The following LYST variants were observed in gnomAD, a reference collection of about 807,000 sequenced individuals.
The protein encoded by LYST is lysosomal trafficking regulator.
LYST carries 192 observed loss-of-function variants against 413.6 expected under a neutral mutation model. The observed-to-expected ratio is 0.46, with a 90% CI of 0.41 to 0.52. LYST has a LOEUF of 0.52. Ranked by LOEUF, LYST falls within the 20% of genes least tolerant of loss-of-function variation. The pLI is 0.00. For synonymous variants in LYST, 1,525 were observed against 1,567.3 expected, an observed-to-expected ratio of 0.97 and a Z score of 0.64; for missense variants, 3,815 against 4,499.9, an observed-to-expected ratio of 0.85 and a Z score of 4.35.
chr1:235,799,104 A>C (rs930096040), intron 10 of LYST, among the ~76,000 whole-genome samples: 1 of 152,206 alleles, frequency 6.6e-6, no homozygotes, highest in Non-Finnish European at 1.5e-5. Flanking sequence ...GTCTAGCAAA[A>C]TAATAAAAAT....
upstream of LYST, among the ~76,000 whole-genome samples, chr1:235,869,071 T>C (rs532369824): frequency 6.6e-6 from 1 of 152,308 alleles, no homozygotes; most frequent in African/African-American, 2.4e-5. Flanking sequence ...ATACTAAATA[T>C]ACATATCAAA....
chr1:235,806,572 C>T lies in LYST; in HGVS notation c.2564G>A (p.Gly855Asp), dbSNP rs1239711090. 6.2e-7 allele frequency: 1 copy of T among 1,613,866 alleles called. No individual in the cohort carries two copies. The highest frequency in any genetic ancestry group is 8.5e-7 in the Non-Finnish European group (1 of 1,179,852). ...EQKELSSVHV[G>D]TSFHHQQAYS... ...AGCTTGCTGATGATGAAAAGAAGTA[C>T]CCACATGTACAGAGGACAACTCCTT... The change falls in exon 6 of 53, where the codon GGT becomes GAT. Residue 855 changes from glycine to aspartate, a missense_variant. Transcript: ENST00000389793.
rs117457528 is a variant in LYST at position 235,696,703 on chromosome 1, G to A, written c.10564+380C>T. ...TAAAACCTATTTTCAAGGCTATCTCGACATCCTTGTTGTGTTTGTTGCTTA... is the reference window on the plus strand; with the variant it reads ...TAAAACCTATTTTCAAGGCTATCTCAACATCCTTGTTGTGTTTGTTGCTTA... On this transcript the variant is annotated intron_variant, in intron 46 of 52. Coordinates refer to ENST00000389793, the MANE Select transcript of LYST (RefSeq NM_000081.4). Among the ~76,000 whole-genome samples the A allele has an allele frequency of 9.7e-4, 147 of 152,276 alleles. 1 individual carries two copies. In the East Asian group the frequency reaches 0.01, roughly 11 times the overall value.
chr1:235,677,225 T>G (rs758294791), intron 49 of LYST, 37 bp from the exon 50 acceptor site: 3 of 1,394,154 alleles, frequency 2.2e-6, no homozygotes, highest in Non-Finnish European at 1.0e-6. Flanking sequence ...ATATGATCAT[T>G]AAATATAATT....
intron 7 of LYST, among the ~76,000 whole-genome samples, chr1:235,803,441 G>C (rs1048110442): frequency 6.6e-6 from 1 of 151,968 alleles, no homozygotes; most frequent in African/African-American, 2.4e-5. Flanking sequence ...TAATAAAAAA[G>C]ATTTTTTCAT....
At chr1:235,688,618 G>T (rs146112420) in intron 47 of LYST, among the ~76,000 whole-genome samples, 1 of 152,128 alleles carries the variant, frequency 6.6e-6, no homozygotes, top group Non-Finnish European at 1.5e-5. Context: ...GCACACAGCC[G>T]TCAGGACTCT....
intron 44 of LYST, among the ~76,000 whole-genome samples, chr1:235,703,806 T>C (rs1661736793): frequency 6.6e-6 from 1 of 152,214 alleles, no homozygotes; most frequent in Admixed American, 6.5e-5. Context: ...GGTTTGTTAT[T>C]TGGGTAAACT....
chr1:235,878,194 T>C (rs1001592218), intron 1 of LYST, among the ~76,000 whole-genome samples: 3 of 152,142 alleles, frequency 2.0e-5, no homozygotes, highest in African/African-American at 7.2e-5. Context: ...CAAGGCAACA[T>C]CCCTGGAGCA....
chr1:235,682,811 C>T (rs1385286630), intron 48 of LYST, among the ~76,000 whole-genome samples: 1 of 152,072 alleles, frequency 6.6e-6, no homozygotes, highest in Non-Finnish European at 1.5e-5. Context: ...TCCACACATG[C>T]TTTGTTTTTC....
At chr1:235,834,921 A>T (rs1558318122) in intron 1 of LYST, among the ~76,000 whole-genome samples, 2 of 147,708 alleles carry the variant, frequency 1.4e-5, no homozygotes, top group Admixed American at 6.8e-5. Context: ...TATCATGCAA[A>T]TTTTTTTTTT....
chr1:235,686,953 C>A lies in LYST; in HGVS notation c.10796G>T (p.Ser3599Ile), dbSNP rs1660267340. The A allele has an allele frequency of 6.2e-7, 1 of 1,613,610 alleles. No individual in the cohort carries two copies. The highest frequency in any genetic ancestry group is 8.5e-7 in the Non-Finnish European group (1 of 1,179,542). Residue 3599 changes from serine (S) to isoleucine (I), a missense_variant, in exon 48 of 53, where the codon AGC becomes ATC. Coordinates refer to ENST00000389793, the MANE Select transcript of LYST (RefSeq NM_000081.4). The surrounding 1 kb of genome is among the most constrained non-coding windows in gnomAD (Gnocchi z 4.0). Reference protein sequence around the residue: ...ITAYTNRFTSSTPSEIEMETQ... With the variant: ...ITAYTNRFTSITPSEIEMETQ... ...ACACAGAAGCCCAGAACCTACCGTGCTGCTTGTAAATCTGTTTGTGTAGGC... is the reference window on the plus strand; with the variant it reads ...ACACAGAAGCCCAGAACCTACCGTGATGCTTGTAAATCTGTTTGTGTAGGC...
chr1:235,806,806 A>C lies in LYST; in HGVS notation c.2364-34T>G, dbSNP rs575118764. On this transcript the variant is annotated intron_variant, in intron 5 of 52. Transcript: ENST00000389793. Reference sequence around the variant, plus strand: ...GAAAAAAAGCATGTAAAAAGGTTTAAATAAAGAAACATCATTTATAAATAG... The same window carrying C: ...GAAAAAAAGCATGTAAAAAGGTTTACATAAAGAAACATCATTTATAAATAG... The C allele has an allele frequency of 4.1e-5, 58 of 1,410,248 alleles. No homozygotes were observed. In the African/African-American group the frequency reaches 6.8e-4, roughly 17 times the overall value. The allele number at this position is 1,410,248 out of a possible 1,614,324, so 87.4% of individuals were successfully genotyped here.
In LYST at chr1:235,813,979, TGA is replaced by T. The variant is rs1438707929; in HGVS notation, c.193-920_193-919del. ...AGAGGCAGGGTAACAATAATCCAGA[TGA>T]GAGAGATGATGACTTTCTGAAGTAC... On this transcript the variant is annotated intron_variant, in intron 3 of 52. Transcript: ENST00000389793. 2.6e-5 allele frequency among the ~76,000 whole-genome samples: 4 copies of T among 152,078 alleles called. No individual in the cohort carries two copies. In the East Asian group the frequency reaches 7.7e-4, roughly 29 times the overall value.
chr1:235,810,388 T>C lies in LYST; in HGVS notation c.430A>G (p.Arg144Gly). ...CGATGGGTAATTTTACGCTGTCGTCTGCTTTTTCGAAAAACATTTACTTTT... is the reference window on the plus strand; with the variant it reads ...CGATGGGTAATTTTACGCTGTCGTCCGCTTTTTCGAAAAACATTTACTTTT... ...SAKVNVFRKS[R>G]RQRKITHRYS... Residue 144 changes from arginine to glycine, a missense_variant, in exon 5 of 53, where the codon AGA (arginine) becomes GGA (glycine). By Grantham distance (125) the Arg-to-Gly change is moderately radical. This residue lies in a region of LYST where 1,648 missense variants were observed against 1,810.3 expected (regional missense o/e 0.91). Transcript: ENST00000389793. 1 of 1,612,692 alleles carries C rather than the reference T, an allele frequency of 6.2e-7. No individual in the cohort carries two copies. The highest frequency in any genetic ancestry group is 8.5e-7 in the Non-Finnish European group (1 of 1,179,464).
chr1:235,727,350 C>G (rs1663978686), intron 38 of LYST, among the ~76,000 whole-genome samples: 2 of 152,040 alleles, frequency 1.3e-5, no homozygotes, highest in Admixed American at 6.5e-5. Flanking sequence ...TCTCAAACTC[C>G]TGACCTCAGG....
In LYST at chr1:235,662,745, C is replaced by T; in HGVS notation, c.*195G>A. ...ATATTGACACAATCTTCCAGATTATCACTAAAATAGAACAGAACTTTCCTC... is the reference window on the plus strand; with the variant it reads ...ATATTGACACAATCTTCCAGATTATTACTAAAATAGAACAGAACTTTCCTC... On this transcript the variant is annotated 3_prime_UTR_variant, in exon 53 of 53. Transcript: ENST00000389793. 1 of 660,002 alleles carries T rather than the reference C, an allele frequency of 1.5e-6. No individual in the cohort carries two copies. The highest frequency in any genetic ancestry group is 2.8e-6 in the Non-Finnish European group (1 of 361,962). The allele number at this position is 660,002 out of a possible 1,614,324, so 40.9% of individuals were successfully genotyped here. A position where few individuals can be genotyped will look rare whatever the true frequency, so the allele number is the denominator to read the frequency against.
chr1:235,720,711 A>T lies in LYST; in HGVS notation c.9510T>A (p.Leu3170=), dbSNP rs1264909622. ...LMQYPVFPFI[L]ADYVSETLDL... ...CAAGTGTCTCACTAACGTAGTCAGC[A>T]AGTATAAATGGGAACACAGGATACT... Residue 3170 remains leucine, a synonymous_variant, in exon 40 of 53, where the codon CTT becomes CTA. Coordinates refer to ENST00000389793, the MANE Select transcript of LYST (RefSeq NM_000081.4). The T allele has an allele frequency of 8.1e-6, 13 of 1,613,770 alleles. No individual in the cohort carries two copies. Among genetic ancestry groups the T allele is most frequent in the Non-Finnish European group, 1.1e-5 (13 of 1,179,660 alleles).
intron 1 of LYST, among the ~76,000 whole-genome samples, chr1:235,858,723 CT>C: frequency 6.6e-6 from 1 of 152,306 alleles, no homozygotes. Flanking sequence ...CCACTACCCC[CT>C]ACTCAAGTTT....
intron 1 of LYST, among the ~76,000 whole-genome samples, chr1:235,860,735 A>G (rs748687435): frequency 5.3e-5 from 8 of 152,276 alleles, no homozygotes; most frequent in East Asian, 3.9e-4. Flanking sequence ...GCATAATTTG[A>G]TATGTTCCAA....
Sources: allele counts gnomAD v4.1 joint callset (sites outside exome capture counted in the v4.1 genomes callset), GRCh38; gene constraint gnomAD v4.1.1; regional missense constraint gnomAD v4.1.1; non-coding constraint Gnocchi (gnomAD v3.1); transcripts MANE v1.5; gene names NCBI Gene and HGNC (gene_info 2026-07-23, HGNC 2026-07-21).